HYDIN: variants seen among roughly 807,000 people sequenced by gnomAD.
HYDIN encodes the protein HYDIN axonemal central pair apparatus protein, also known as axonemal central pair apparatus protein HYDIN.
A neutral mutation model predicts 403.9 loss-of-function variants in HYDIN; 132 were observed. The ratio of observed to expected loss-of-function variants is 0.33; its 90% CI spans 0.28 to 0.38. The LOEUF (loss-of-function observed/expected upper bound fraction) is 0.38, where lower values mean the gene tolerates loss of function less well. Among genes scored for constraint, HYDIN ranks in the 10% least tolerant of loss-of-function variants. The pLI is 1.00. For synonymous variants in HYDIN, 1,202 were observed against 1,891.7 expected, an observed-to-expected ratio of 0.64 and a Z score of 9.46; for missense variants, 2,827 against 5,009.5, an observed-to-expected ratio of 0.56 and a Z score of 13.15.
At chr16:71,211,200 A>G (rs1050334857) in intron 1 of HYDIN, among the ~76,000 whole-genome samples, 1 of 152,180 alleles carries the variant, frequency 6.6e-6, no homozygotes, top group Non-Finnish European at 1.5e-5. Flanking sequence ...AGAAAGAGGA[A>G]AAATACCCAA....
intron 67 of HYDIN, among the ~76,000 whole-genome samples, chr16:70,863,846 T>C (rs1232382165): frequency 6.6e-6 from 1 of 151,910 alleles, no homozygotes; most frequent in Non-Finnish European, 1.5e-5. Flanking sequence ...ATCATGCCAC[T>C]GGGCCACAGA....
At position 71,079,202 on chromosome 16, in the gene HYDIN, A is replaced by C. The variant is rs537467976; in HGVS notation, c.1738+683T>G. Among the ~76,000 whole-genome samples the C allele has an allele frequency of 2.6e-5, 4 of 152,302 alleles. No homozygotes were observed. In the East Asian group the frequency reaches 7.7e-4, roughly 29 times the overall value. On this transcript the variant is annotated intron_variant, in intron 13 of 85. Transcript: ENST00000393567. ...CAGAATTGAAAGAGCATCCAGTTGC[A>C]CACTATAAGGACAGATGTTTTTCTT... is the stretch of plus-strand genomic sequence containing the variant.
Position 70,920,894 on chromosome 16 carries a change from G to A in HYDIN, c.7482C>T (p.Pro2494=), listed in dbSNP as rs543313042. ...CCAAGGGGACCTGGCGCTGGTCGTC[G>A]GGCTCATGGGGCGCTTCCTCCATCC... ...PAGMEEAPHE[P]DDQRQVPLGG... The change falls in exon 46 of 86, where the codon CCC becomes CCT. Residue 2494 remains proline (P), a synonymous_variant. Transcript: ENST00000393567. 171 of 1,612,450 alleles carry A rather than the reference G, an allele frequency of 1.1e-4. No individual in the cohort carries two copies. The South Asian group carries it at 1.5e-3, about 14-fold the overall frequency.
chr16:71,050,126 C>T (rs892192232), intron 18 of HYDIN, among the ~76,000 whole-genome samples: 1 of 144,918 alleles, frequency 6.9e-6, no homozygotes, highest in Admixed American at 6.9e-5. Flanking sequence ...ATGGCTGAGA[C>T]ATTCCAGAAT....
chr16:71,178,436 T>A (rs142159147), intron 4 of HYDIN, among the ~76,000 whole-genome samples: 4,278 of 79,060 alleles, frequency 0.054, 219 homozygotes, highest in African/African-American at 0.22. Context: ...AAAAAAAAAA[T>A]ATATATATAT....
rs1027752089 is a variant in HYDIN, at chr16:70,806,301, C to G, written c.*1279G>C. Among the ~76,000 whole-genome samples, 1 of 151,992 alleles carries G rather than the reference C, an allele frequency of 6.6e-6. No individual in the cohort carries two copies. The highest frequency in any genetic ancestry group is 1.5e-5 in the Non-Finnish European group (1 of 67,994). On this transcript the variant is annotated 3_prime_UTR_variant, in exon 86 of 86. Transcript: ENST00000393567. ...CTACTGGGCACCTTGGAATGTATCC[C>G]CTGAGGATGAGGGAGGACTATTGTA...
At chr16:70,897,553 T>G (rs916175574) in intron 53 of HYDIN, among the ~76,000 whole-genome samples, 1 of 148,492 alleles carries the variant, frequency 6.7e-6, no homozygotes, top group Non-Finnish European at 1.5e-5. Context: ...ATGTGTGTAG[T>G]GCCTCCCTCC....
rs747441261 is a variant in HYDIN at position 70,981,530 on chromosome 16, A to T, written c.4371T>A (p.Val1457=). ...CCTCAGGTACTCCAGGTAGGTAGTAAACTTTTAATACCTGCTCTTGATGTG... is the reference window on the plus strand; with the variant it reads ...CCTCAGGTACTCCAGGTAGGTAGTATACTTTTAATACCTGCTCTTGATGTG... ...ISSHQEQVLK[V]YYLPGVPEVF... Residue 1457 remains valine, a synonymous_variant, in exon 29 of 86, where the codon GTT becomes GTA. Transcript: ENST00000393567. The T allele has an allele frequency of 1.2e-6, 2 of 1,612,686 alleles. No individual in the cohort carries two copies. The highest frequency in any genetic ancestry group is 1.7e-6 in the Non-Finnish European group (2 of 1,179,558).
chr16:71,181,449 C>T (rs2086901165), intron 3 of HYDIN, among the ~76,000 whole-genome samples: 1 of 151,914 alleles, frequency 6.6e-6, no homozygotes, highest in East Asian at 1.9e-4. Context: ...GCCCCCAAAC[C>T]AATTATTAAA....
At chr16:71,026,946 G>T (rs2144142213) in intron 20 of HYDIN, among the ~76,000 whole-genome samples, 1 of 152,160 alleles carries the variant, frequency 6.6e-6, no homozygotes, top group Middle Eastern at 3.4e-3. Flanking sequence ...TTGTCGGGAG[G>T]GAGAGACTCT....
chr16:71,167,933 C>T lies in HYDIN; in HGVS notation c.517-5203G>A, dbSNP rs201852718. On this transcript the variant is annotated intron_variant, in intron 5 of 85. Transcript: ENST00000393567. Reference sequence around the variant, plus strand: ...TCTGTAAATGACACCACCATTTGACCAGTTGTTAGCCAAAATCCTACAGTT... The same window carrying T: ...TCTGTAAATGACACCACCATTTGACTAGTTGTTAGCCAAAATCCTACAGTT... 2.7e-3 allele frequency among the ~76,000 whole-genome samples: 403 copies of T among 151,224 alleles called. 1 individual carries two copies. The highest frequency in any genetic ancestry group is 5.0e-3 in the Non-Finnish European group (338 of 67,750).
rs935443738 is a variant in HYDIN at position 70,805,092 on chromosome 16, T to C, written c.*2488A>G. ...GAGGGACCAATTGCTTCCCTTCTCC[T>C]AACCTATACCTCTGGTGAATAGGTG... On this transcript the variant is annotated 3_prime_UTR_variant, in exon 86 of 86. Transcript: ENST00000393567. Among the ~76,000 whole-genome samples, 7 of 152,244 alleles carry C rather than the reference T, an allele frequency of 4.6e-5. No homozygotes were observed. Among genetic ancestry groups the C allele is most frequent in the African/African-American group, 1.7e-4 (7 of 41,470 alleles).
chr16:71,040,941 A>C (rs921715512), intron 18 of HYDIN, among the ~76,000 whole-genome samples: 3 of 147,828 alleles, frequency 2.0e-5, no homozygotes, highest in African/African-American at 7.6e-5. Flanking sequence ...TAAATCTGAC[A>C]GAAGAATGAA....
intron 41 of HYDIN, 28 bp from the exon 42 acceptor site, chr16:70,943,977 C>A: frequency 6.5e-7 from 1 of 1,542,134 alleles, no homozygotes; most frequent in South Asian, 1.2e-5. Flanking sequence ...GATCAGGAGT[C>A]AGAATCTGGC....
chr16:70,951,248 CAGAG>C (rs376262243), intron 41 of HYDIN, among the ~76,000 whole-genome samples: 4,371 of 130,352 alleles, frequency 0.034, 90 homozygotes, highest in African/African-American at 0.08. Flanking sequence ...GGAAAAGGGA[CAGAG>C]AGAGAGAGAG....
chr16:70,999,177 G>A (rs1330865792), intron 23 of HYDIN, among the ~76,000 whole-genome samples: 1 of 152,146 alleles, frequency 6.6e-6, no homozygotes, highest in Non-Finnish European at 1.5e-5. Context: ...AGTGTTGGCT[G>A]GCCATTGGGA....
chr16:70,888,451 T>G (rs1288674013), intron 58 of HYDIN, among the ~76,000 whole-genome samples: 1 of 152,174 alleles, frequency 6.6e-6, no homozygotes, highest in Non-Finnish European at 1.5e-5. Context: ...TCATTCCTGC[T>G]GGGCAGGGGT....
intron 75 of HYDIN, among the ~76,000 whole-genome samples, chr16:70,840,574 A>G (rs1014569235): frequency 9.9e-5 from 15 of 152,184 alleles, no homozygotes; most frequent in Non-Finnish European, 1.5e-5. Context: ...CTAGGTGCAA[A>G]TGCTTCATTT....
In HYDIN at chr16:70,807,705, A is replaced by T; in HGVS notation, c.15241T>A (p.Phe5081Ile). The change falls in exon 86 of 86, where the codon TTT becomes ATT. Residue 5081 changes from phenylalanine (F) to isoleucine (I), a missense_variant. By Grantham distance (21) the Phe-to-Ile change is conservative (BLOSUM62 0). Coordinates refer to ENST00000393567, the MANE Select transcript of HYDIN (RefSeq NM_001270974.2). ...PKKINNITVS[F>I]EGNPSGSKTP... ...TTGCTGCCAGATGGGTTTCCTTCAAAGGAGACTGTGATGTTGTTGATCTTC... is the reference window on the plus strand; with the variant it reads ...TTGCTGCCAGATGGGTTTCCTTCAATGGAGACTGTGATGTTGTTGATCTTC... 1 of 1,614,152 alleles carries T rather than the reference A, an allele frequency of 6.2e-7. No individual in the cohort carries two copies. Among genetic ancestry groups the T allele is most frequent in the Non-Finnish European group, 8.5e-7 (1 of 1,180,022 alleles).
Sources: gnomAD v4.1 joint callset for allele counts (sites outside exome capture counted in the v4.1 genomes callset) on GRCh38, gnomAD v4.1.1 for gene constraint, MANE v1.5 for transcripts, NCBI Gene and HGNC (gene_info 2026-07-23, HGNC 2026-07-21) for gene names.